The following RPA3 variants were observed in gnomAD, a reference collection of about 807,000 sequenced individuals.
RPA3 encodes the protein replication protein A3.
Under a neutral mutation model 13.7 loss-of-function variants are expected in RPA3, and 24 were observed. The observed-to-expected ratio is 1.75, with a 90% CI of 1.27 to 2.46. The LOEUF (loss-of-function observed/expected upper bound fraction) is 2.46, where lower values mean the gene tolerates loss of function less well. Among genes scored for constraint, RPA3 ranks in the 30% most tolerant of loss-of-function variants. RPA3 has a pLI of 0.00. For synonymous variants in RPA3, 59 were observed against 51.2 expected (o/e 1.15, Z -0.65); for missense variants, 183 against 151.0 (o/e 1.21, Z -1.11).
At chr7:7,697,572 G>A (rs1405372586) in intron 2 of RPA3, among the ~76,000 whole-genome samples, 3 of 152,120 alleles carry the variant, frequency 2.0e-5, no homozygotes, top group African/African-American at 4.8e-5. Context: ...GAAGAAGCAC[G>A]AATATGTACC....
intron 4 of RPA3, among the ~76,000 whole-genome samples, chr7:7,661,320 A>T (rs926661363): frequency 6.6e-6 from 1 of 151,956 alleles, no homozygotes; most frequent in Non-Finnish European, 1.5e-5. Flanking sequence ...CCTTCTTTCA[A>T]TTTGTCAAAC....
intron 2 of RPA3, among the ~76,000 whole-genome samples, chr7:7,703,005 G>A (rs1347346560): frequency 6.6e-6 from 1 of 152,186 alleles, no homozygotes; most frequent in Non-Finnish European, 1.5e-5. Context: ...ATGCGAGCAG[G>A]CAGAGCAGAA....
chr7:7,679,785 G>A (rs758941191), intron 4 of RPA3, among the ~76,000 whole-genome samples: 4 of 148,390 alleles, frequency 2.7e-5, no homozygotes, highest in Admixed American at 6.8e-5. Context: ...GGCCACTTTC[G>A]AACTCTTAGG....
chr7:7,666,531 A>G (rs1235757386), intron 4 of RPA3, among the ~76,000 whole-genome samples: 1 of 152,058 alleles, frequency 6.6e-6, no homozygotes, highest in East Asian at 1.9e-4. Context: ...TTAATTTTAA[A>G]TATTTTAATA....
chr7:7,647,129 T>G (rs1785116696), intron 4 of RPA3, among the ~76,000 whole-genome samples: 1 of 152,238 alleles, frequency 6.6e-6, no homozygotes, highest in African/African-American at 2.4e-5. Flanking sequence ...TAAAACCTTT[T>G]AGATCACTAT....
chr7:7,663,236 T>C (rs1011282601), intron 4 of RPA3, among the ~76,000 whole-genome samples: 2 of 151,466 alleles, frequency 1.3e-5, no homozygotes, highest in Non-Finnish European at 2.9e-5. Flanking sequence ...CACTCAAGGG[T>C]TGGAACTTGC....
intron 4 of RPA3, among the ~76,000 whole-genome samples, chr7:7,678,702 A>G (rs1779825574): frequency 3.1e-5 from 4 of 128,906 alleles, no homozygotes; most frequent in African/African-American, 1.3e-4. Flanking sequence ...ATAAATATAT[A>G]TTTATATATT....
chr7:7,646,480 ATTTTTTTT>A (rs35948027), intron 4 of RPA3, among the ~76,000 whole-genome samples: 10 of 111,360 alleles, frequency 9.0e-5, no homozygotes, highest in African/African-American at 3.3e-4. Context: ...CTTTCGCTGG[ATTTTTTTT>A]TTTTTTTTTT....
At chr7:7,644,535 G>T (rs933137622) in intron 4 of RPA3, among the ~76,000 whole-genome samples, 3 of 151,896 alleles carry the variant, frequency 2.0e-5, no homozygotes, top group African/African-American at 7.3e-5. Flanking sequence ...TTAATAGTCC[G>T]TCATCTAGAA....
chr7:7,692,860 G>C (rs759572302), intron 2 of RPA3, among the ~76,000 whole-genome samples: 33 of 152,158 alleles, frequency 2.2e-4, no homozygotes, highest in Non-Finnish European at 3.5e-4. Context: ...GCCTGCCTCG[G>C]CTTCCCACAG....
chr7:7,684,806 C>G (rs1238170497), intron 4 of RPA3, among the ~76,000 whole-genome samples: 2 of 152,178 alleles, frequency 1.3e-5, no homozygotes, highest in Non-Finnish European at 1.5e-5. Context: ...AAAAATCAGA[C>G]TAACGCATTC....
chr7:7,701,362 T>C (rs1171241900), intron 2 of RPA3, among the ~76,000 whole-genome samples: 1 of 152,072 alleles, frequency 6.6e-6, no homozygotes, highest in Non-Finnish European at 1.5e-5. Flanking sequence ...TTGCATTTGC[T>C]AGAAGAAAAC....
chr7:7,672,026 C>G (rs1190551292), intron 4 of RPA3, among the ~76,000 whole-genome samples: 2 of 152,168 alleles, frequency 1.3e-5, no homozygotes, highest in Non-Finnish European at 2.9e-5. Flanking sequence ...ATATCCTTCT[C>G]TGATCTACAA....
chr7:7,654,902 C>CA (rs71010994), intron 4 of RPA3, among the ~76,000 whole-genome samples: 90,221 of 139,146 alleles, frequency 0.65, 29,124 homozygotes, highest in East Asian at 0.87. Context: ...GACTCTGTCT[C>CA]AAAAAAAAAA....
chr7:7,672,021 C>T (rs1323215599), intron 4 of RPA3, among the ~76,000 whole-genome samples: 1 of 152,070 alleles, frequency 6.6e-6, no homozygotes, highest in East Asian at 1.9e-4. Context: ...GGTTCATATC[C>T]TTCTCTGATC....
intron 2 of RPA3, among the ~76,000 whole-genome samples, chr7:7,711,862 CCTT>C (rs1441659609): frequency 6.6e-6 from 1 of 151,912 alleles, no homozygotes; most frequent in African/African-American, 2.4e-5. Context: ...TTAAAAAGTC[CCTT>C]CTTGGAGATC....
At chr7:7,697,835 G>A (rs1031240223) in intron 2 of RPA3, among the ~76,000 whole-genome samples, 10 of 152,094 alleles carry the variant, frequency 6.6e-5, no homozygotes, top group South Asian at 2.1e-4. Context: ...AATTTGAGAC[G>A]TATAAATCAG....
At chr7:7,639,473 G>A (rs1318496641) in intron 5 of RPA3, among the ~76,000 whole-genome samples, 1 of 152,166 alleles carries the variant, frequency 6.6e-6, no homozygotes, top group Non-Finnish European at 1.5e-5. Flanking sequence ...TCATGATTTA[G>A]ACAGTACATA....
chr7:7,643,890 C>G (rs1466598746), intron 4 of RPA3, among the ~76,000 whole-genome samples: 3 of 152,058 alleles, frequency 2.0e-5, no homozygotes, highest in Admixed American at 6.5e-5. Flanking sequence ...TTGCCTGGGT[C>G]TCTGTTTCTG....
Sources: allele counts gnomAD v4.1 joint callset (sites outside exome capture counted in the v4.1 genomes callset), GRCh38; gene constraint gnomAD v4.1.1; transcripts MANE v1.5; gene names NCBI Gene and HGNC (gene_info 2026-07-23, HGNC 2026-07-21).